RAD54B: variants seen among roughly 807,000 people sequenced by gnomAD.
The protein encoded by RAD54B is RAD54 homolog B.
Under a neutral mutation model 95.8 loss-of-function variants are expected in RAD54B, and 78 were observed. That is an observed-to-expected ratio of 0.81 (90% CI 0.68 to 0.98). The LOEUF (loss-of-function observed/expected upper bound fraction) is 0.98. RAD54B is among the 50% of genes least tolerant of loss of function. RAD54B has a pLI of 0.00. For synonymous variants in RAD54B, 328 were observed against 354.9 expected, an observed-to-expected ratio of 0.92 and a Z score of 0.85; for missense variants, 957 against 1,056.6, an observed-to-expected ratio of 0.91 and a Z score of 1.31.
At chr8:94,415,536 GA>G (rs1811642022) in intron 3 of RAD54B, among the ~76,000 whole-genome samples, 1 of 136,878 alleles carries the variant, frequency 7.3e-6, no homozygotes, top group African/African-American at 2.7e-5. Flanking sequence ...TTAAACTAAA[GA>G]GCTTCTGCAC....
chr8:94,396,413 T>C (rs886926970), intron 8 of RAD54B, among the ~76,000 whole-genome samples: 1 of 151,966 alleles, frequency 6.6e-6, no homozygotes, highest in African/African-American at 2.4e-5. Context: ...TTTTCTTTGT[T>C]TTTTGGTTTG....
chr8:94,419,457 G>A (rs899651543), intron 3 of RAD54B, among the ~76,000 whole-genome samples: 6 of 151,978 alleles, frequency 3.9e-5, no homozygotes, highest in South Asian at 2.1e-4. Flanking sequence ...GCAGTGAGCC[G>A]AGATCATGCC....
At chr8:94,456,987 T>G (rs970467463) in intron 3 of RAD54B, among the ~76,000 whole-genome samples, 1 of 152,216 alleles carries the variant, frequency 6.6e-6, no homozygotes, top group Non-Finnish European at 1.5e-5. Context: ...CTTTATTTTA[T>G]CTTAACTCTT....
intron 3 of RAD54B, among the ~76,000 whole-genome samples, chr8:94,421,868 T>A (rs1811814548): frequency 1.3e-5 from 2 of 152,218 alleles, no homozygotes; most frequent in African/African-American, 4.8e-5. Context: ...TTTTGCCACC[T>A]CTATTCTCTA....
At chr8:94,465,663 A>C (rs1415686189) in intron 2 of RAD54B, among the ~76,000 whole-genome samples, 1 of 152,212 alleles carries the variant, frequency 6.6e-6, no homozygotes, top group Non-Finnish European at 1.5e-5. Flanking sequence ...TCTAGTTATA[A>C]TCCAAAAGAA....
At chr8:94,403,640 G>A (rs1811314029) in intron 6 of RAD54B, among the ~76,000 whole-genome samples, 1 of 151,216 alleles carries the variant, frequency 6.6e-6, no homozygotes, top group African/African-American at 2.4e-5. Context: ...TAACGCCATT[G>A]CACTCCAGTC....
At chr8:94,397,723 CTCT>C (rs1811181124) in intron 8 of RAD54B, among the ~76,000 whole-genome samples, 1 of 151,968 alleles carries the variant, frequency 6.6e-6, no homozygotes, top group Non-Finnish European at 1.5e-5. Flanking sequence ...TTATTTCTCA[CTCT>C]TCTTTTTTAT....
At chr8:94,396,051 G>C (rs1280413436) in intron 8 of RAD54B, among the ~76,000 whole-genome samples, 1 of 151,896 alleles carries the variant, frequency 6.6e-6, no homozygotes, top group African/African-American at 2.4e-5. Flanking sequence ...GAAGGGAATA[G>C]GAAAAAGGAT....
chr8:94,424,260 G>A (rs1396336696), intron 3 of RAD54B, among the ~76,000 whole-genome samples: 4 of 152,144 alleles, frequency 2.6e-5, no homozygotes, highest in Non-Finnish European at 5.9e-5. Flanking sequence ...CTAGCTCTAT[G>A]ACCCTATATA....
intron 5 of RAD54B, among the ~76,000 whole-genome samples, chr8:94,405,835 G>A (rs1445841230): frequency 6.6e-6 from 1 of 152,070 alleles, no homozygotes. Context: ...CAAAATCATA[G>A]AACACTAGTT....
chr8:94,409,801 A>C (rs1249286806), intron 4 of RAD54B, among the ~76,000 whole-genome samples: 1 of 152,076 alleles, frequency 6.6e-6, no homozygotes, highest in Non-Finnish European at 1.5e-5. Context: ...TGCACACTAT[A>C]CCTTAGGGGT....
At chr8:94,411,465 T>C in intron 3 of RAD54B, 150 bp from the exon 4 acceptor site, 2 of 610,286 alleles carry the variant, frequency 3.3e-6, no homozygotes, top group South Asian at 5.9e-5. Context: ...GTTAGCATTT[T>C]ATAAACTAAG....
At chr8:94,463,955 CAA>C (rs1432880303) in intron 2 of RAD54B, among the ~76,000 whole-genome samples, 1 of 146,912 alleles carries the variant, frequency 6.8e-6, no homozygotes, top group Non-Finnish European at 1.5e-5. Flanking sequence ...CATATCCACA[CAA>C]AAATTTGTAC....
At chr8:94,373,127 T>A (rs2129933181) in intron 14 of RAD54B, 1 of 152,248 alleles carries the variant, frequency 6.6e-6, no homozygotes, top group South Asian at 2.1e-4. Flanking sequence ...AGATAAAGCA[T>A]TCCATGATAA....
At chr8:94,400,837 T>C (rs999277392) in intron 6 of RAD54B, among the ~76,000 whole-genome samples, 3 of 152,168 alleles carry the variant, frequency 2.0e-5, no homozygotes, top group Non-Finnish European at 4.4e-5. Context: ...CAGTTTAAAA[T>C]ATATTGTTGT....
intron 3 of RAD54B, chr8:94,436,664 G>A (rs1410033788): frequency 4.5e-6 from 7 of 1,550,468 alleles, no homozygotes; most frequent in African/African-American, 1.4e-5. Flanking sequence ...TAAAGGGTGC[G>A]TAGGCCCTGT....
intron 8 of RAD54B, among the ~76,000 whole-genome samples, chr8:94,395,295 A>G (rs1340354010): frequency 1.3e-5 from 2 of 152,190 alleles, no homozygotes; most frequent in East Asian, 3.8e-4. Context: ...CTCAGGAGAA[A>G]GGGAATAATG....
At chr8:94,467,627 A>C (rs965354799) in intron 1 of RAD54B, 72 bp from the exon 2 acceptor site, 76 of 1,441,792 alleles carry the variant, frequency 5.3e-5, no homozygotes, top group Non-Finnish European at 7.0e-5. Context: ...AAAATAGCTC[A>C]AAACTACAAC....
chr8:94,450,002 T>C (rs943449918), intron 3 of RAD54B, among the ~76,000 whole-genome samples: 1 of 152,208 alleles, frequency 6.6e-6, no homozygotes, highest in African/African-American at 2.4e-5. Flanking sequence ...GACTACTGAC[T>C]GTGTGGATCA....
Sources: gnomAD v4.1 joint callset for allele counts (sites outside exome capture counted in the v4.1 genomes callset) on GRCh38, gnomAD v4.1.1 for gene constraint, MANE v1.5 for transcripts, NCBI Gene and HGNC (gene_info 2026-07-23, HGNC 2026-07-21) for gene names.